The following GDA variants were observed in gnomAD, a reference collection of about 807,000 sequenced individuals.
GDA encodes the protein guanine deaminase.
In GDA, 18 loss-of-function variants were observed where a neutral mutation model predicts 59.6. That is an observed-to-expected ratio of 0.30 (90% CI 0.21 to 0.45). The LOEUF is 0.45. Ranked by LOEUF, GDA falls within the 20% of genes least tolerant of loss-of-function variation. The pLI, the probability that GDA is intolerant of heterozygous loss-of-function variation, is 1.00. For missense variants in GDA, 427 were observed against 552.3 expected (o/e 0.77, Z 2.27); for synonymous variants, 201 against 201.1 (o/e 1.00, Z 0.00).
chr9:72,207,717 G>A (rs1168790007), intron 3 of GDA, among the ~76,000 whole-genome samples: 1 of 152,176 alleles, frequency 6.6e-6, no homozygotes, highest in Non-Finnish European at 1.5e-5. Flanking sequence ...TGTTTTACAT[G>A]AAAATTATCT....
intron 10 of GDA, among the ~76,000 whole-genome samples, chr9:72,236,774 CTA>C (rs371045761): frequency 0.085 from 10,757 of 127,188 alleles, 607 homozygotes; most frequent in Middle Eastern, 0.15. Context: ...AAAACCACTC[CTA>C]TTTTTTTTTT....
At chr9:72,158,872 C>CCAT (rs113332500) in intron 1 of GDA, among the ~76,000 whole-genome samples, 7,839 of 150,698 alleles carry the variant, frequency 0.052, 552 homozygotes, top group African/African-American at 0.16. Flanking sequence ...GGTAAGGACA[C>CCAT]CATCATCATC....
rs535028520 is a variant in GDA, at chr9:72,126,506, G to A, written c.-100+11673G>A. On this transcript the variant is annotated intron_variant, in intron 1 of 13. Coordinates refer to the GDA transcript ENST00000545168. ...GTGCTTGCCAACTGGAACAAGATAGGAATTATAGGAACTAGGATGACAACA... is the reference window on the plus strand; with the variant it reads ...GTGCTTGCCAACTGGAACAAGATAGAAATTATAGGAACTAGGATGACAACA... Among the ~76,000 whole-genome samples, 263 of 151,406 alleles carry A rather than the reference G, an allele frequency of 1.7e-3. 1 individual carries two copies. Among genetic ancestry groups the A allele is most frequent in the Non-Finnish European group, 3.0e-3 (207 of 67,904 alleles).
chr9:72,239,070 C>T (rs1839326407), intron 10 of GDA, among the ~76,000 whole-genome samples: 1 of 152,114 alleles, frequency 6.6e-6, no homozygotes, highest in Admixed American at 6.5e-5. Flanking sequence ...GGGATTCCAC[C>T]TACATTAAAT....
At chr9:72,209,735 T>C (rs1352817818) in intron 3 of GDA, among the ~76,000 whole-genome samples, 2 of 152,202 alleles carry the variant, frequency 1.3e-5, no homozygotes, top group African/African-American at 4.8e-5. Context: ...GATGGTAACT[T>C]CATTATAGGA....
At chr9:72,142,988 C>T (rs910823040) in intron 1 of GDA, among the ~76,000 whole-genome samples, 6 of 151,640 alleles carry the variant, frequency 4.0e-5, no homozygotes, top group East Asian at 2.0e-4. Flanking sequence ...AGGCTGGTCT[C>T]GAACTCCCGA....
intron 10 of GDA, among the ~76,000 whole-genome samples, chr9:72,234,285 C>A (rs1043774738): frequency 2.0e-5 from 3 of 152,022 alleles, no homozygotes; most frequent in African/African-American, 7.2e-5. Flanking sequence ...AGGAAAAGGC[C>A]ATGAGGGAAT....
At chr9:72,129,719 A>G (rs947263321) in intron 1 of GDA, among the ~76,000 whole-genome samples, 3 of 152,164 alleles carry the variant, frequency 2.0e-5, no homozygotes, top group African/African-American at 7.2e-5. Flanking sequence ...GAAAGCCCAA[A>G]CTGCTAGGGT....
chr9:72,115,723 TACAG>T (rs1204441955), intron 1 of GDA, among the ~76,000 whole-genome samples: 2 of 152,134 alleles, frequency 1.3e-5, no homozygotes, highest in Admixed American at 6.5e-5. Context: ...AAACGTAAAA[TACAG>T]ACAATTATCC....
chr9:72,252,739 A>G (rs1170541627), downstream of GDA, among the ~76,000 whole-genome samples: 8 of 152,200 alleles, frequency 5.3e-5, no homozygotes, highest in Admixed American at 5.2e-4. Flanking sequence ...GCAATATTCC[A>G]GTATCTTTTG....
chr9:72,199,901 T>C (rs1833721948), intron 2 of GDA, among the ~76,000 whole-genome samples: 1 of 152,120 alleles, frequency 6.6e-6, no homozygotes, highest in African/African-American at 2.4e-5. Flanking sequence ...AAGGTGCTGC[T>C]TAAGATGTTG....
At chr9:72,203,672 G>A (rs1834297329) in intron 3 of GDA, among the ~76,000 whole-genome samples, 2 of 152,114 alleles carry the variant, frequency 1.3e-5, no homozygotes. Context: ...GATTTTTGTG[G>A]GACCCATTGA....
At chr9:72,168,252 G>A (rs759076877) in intron 1 of GDA, among the ~76,000 whole-genome samples, 1 of 151,982 alleles carries the variant, frequency 6.6e-6, no homozygotes, top group African/African-American at 2.4e-5. Flanking sequence ...AAAAAAACAC[G>A]AGCTGGGCAT....
intron 7 of GDA, among the ~76,000 whole-genome samples, 188 bp from the exon 8 acceptor site, chr9:72,225,489 A>G (rs1418237226): frequency 2.6e-5 from 4 of 151,914 alleles, no homozygotes; most frequent in South Asian, 4.1e-4. Context: ...TTTCTTTGTC[A>G]TATACATTAT....
chr9:72,182,070 A>G (rs1405187523), intron 1 of GDA, among the ~76,000 whole-genome samples: 1 of 151,956 alleles, frequency 6.6e-6, no homozygotes, highest in Non-Finnish European at 1.5e-5. Flanking sequence ...AGTTATAGAC[A>G]TGCTGTTGGA....
At chr9:72,141,872 C>G (rs1012096324) in intron 1 of GDA, among the ~76,000 whole-genome samples, 1 of 152,164 alleles carries the variant, frequency 6.6e-6, no homozygotes, top group African/African-American at 2.4e-5. Context: ...TGTATAGATT[C>G]TTCTATCTCA....
At chr9:72,132,441 C>T (rs1388018786) in intron 1 of GDA, among the ~76,000 whole-genome samples, 3 of 152,130 alleles carry the variant, frequency 2.0e-5, no homozygotes, top group Non-Finnish European at 4.4e-5. Context: ...AAAAACAATG[C>T]CTCATACCAG....
chr9:72,195,162 C>A (rs1832998862), intron 1 of GDA, among the ~76,000 whole-genome samples: 1 of 152,132 alleles, frequency 6.6e-6, no homozygotes, highest in African/African-American at 2.4e-5. Context: ...GGTGTCCTTG[C>A]AGGGGGTGAT....
intron 1 of GDA, among the ~76,000 whole-genome samples, chr9:72,131,913 C>T (rs1826039609): frequency 6.6e-6 from 1 of 152,176 alleles, no homozygotes; most frequent in African/African-American, 2.4e-5. Context: ...ATTACGTTTC[C>T]ACATGGCTGA....
Sources: allele counts gnomAD v4.1 joint callset (sites outside exome capture counted in the v4.1 genomes callset), GRCh38; gene constraint gnomAD v4.1.1; transcripts MANE v1.5; gene names NCBI Gene and HGNC (gene_info 2026-07-23, HGNC 2026-07-21).